MCF2: variants seen among roughly 807,000 people sequenced by gnomAD.
MCF2 encodes proto-oncogene DBL.
Under a neutral mutation model 82.5 loss-of-function variants are expected in MCF2, and 44 were observed. That is an observed-to-expected ratio of 0.53 (90% confidence interval 0.42 to 0.69). MCF2 has a LOEUF of 0.69. MCF2 is among the 30% of genes least tolerant of loss of function. The pLI, the probability that MCF2 is intolerant of heterozygous loss-of-function variation, is 0.00. For synonymous variants in MCF2, 217 were observed against 224.9 expected, an observed-to-expected ratio of 0.96 and a Z score of 0.32; for missense variants, 623 against 663.1, an observed-to-expected ratio of 0.94 and a Z score of 0.66.
At chrX:139,627,142 G>C (rs1308612751) in intron 4 of MCF2, among the ~76,000 whole-genome samples, 1 of 111,249 alleles carries the variant, frequency 9.0e-6, no homozygotes, top group Non-Finnish European at 1.9e-5. Flanking sequence ...ATGTTGCCCA[G>C]GCTGGACACA....
upstream of MCF2, among the ~76,000 whole-genome samples, chrX:139,647,283 T>C (rs949713852): frequency 9.0e-5 from 10 of 111,355 alleles, no homozygotes; most frequent in African/African-American, 3.3e-4. Flanking sequence ...TGACAGCAAG[T>C]GGAAAATTTG....
intron 9 of MCF2, 64 bp from the exon 13 acceptor site, chrX:139,615,116 C>T (rs1931802528): frequency 3.5e-6 from 3 of 850,332 alleles, no homozygotes; most frequent in Non-Finnish European, 5.1e-6. Context: ...AACCCCATTA[C>T]ATTTCTCAGA....
upstream of MCF2, among the ~76,000 whole-genome samples, chrX:139,643,760 G>T (rs1447538252): frequency 9.0e-6 from 1 of 110,628 alleles, no homozygotes; most frequent in Non-Finnish European, 1.9e-5. Context: ...AAAATGACAG[G>T]ATCATGACCT....
chrX:139,629,500 C>T (rs1441107241), intron 4 of MCF2, among the ~76,000 whole-genome samples, 195 bp downstream of exon 7: 2 of 111,804 alleles, frequency 1.8e-5, no homozygotes, highest in Middle Eastern at 4.6e-3. Flanking sequence ...GCACCATTTA[C>T]GGAGGGGACA....
chrX:139,602,565 C>T (rs746818641), intron 15 of MCF2, 67 bp from the exon 20 acceptor site: 1 of 764,846 alleles, frequency 1.3e-6, no homozygotes, highest in East Asian at 3.2e-5. Context: ...TCAAGAAAGG[C>T]TAAACAAGAG....
In MCF2 at chrX:139,602,505, T is replaced by G. The variant is rs375175141; in HGVS notation, c.1744-7A>C. The G allele has an allele frequency of 2.3e-5, 26 of 1,117,012 alleles. No homozygotes were observed. The highest frequency in any genetic ancestry group is 2.9e-5 in the Non-Finnish European group (24 of 814,711). 92.1% of individuals were successfully genotyped at this position (1,117,012 alleles called of 1,213,427 possible). On this transcript the variant is annotated splice_region_variant and splice_polypyrimidine_tract_variant and intron_variant, in intron 15 of 24. Transcript: ENST00000370576. ...ACATCTGAAAATCATCCTTCTGTGA[T>G]AAAAAACAAATTCAAATGTATTACT...
intron 23 of MCF2, among the ~76,000 whole-genome samples, chrX:139,586,122 A>G (rs1255557420): frequency 9.0e-6 from 1 of 111,601 alleles, no homozygotes; most frequent in Non-Finnish European, 1.9e-5. Flanking sequence ...GTCTGAATAG[A>G]GCAAGAGAAT....
chrX:139,642,221 T>TCATCA (rs1933608236), intron 1 of MCF2, among the ~76,000 whole-genome samples: 1 of 112,169 alleles, frequency 8.9e-6, no homozygotes, highest in Admixed American at 9.5e-5. Flanking sequence ...ATGACTAAGG[T>TCATCA]GCTCATTCAT....
chrX:139,639,676 C>T (rs115662061), intron 1 of MCF2, among the ~76,000 whole-genome samples: 1,279 of 111,560 alleles, frequency 0.011, 19 homozygotes, highest in African/African-American at 0.04. Context: ...ATTTCACTAC[C>T]GAAGTCTAGA....
Position 139,692,385 on chromosome X carries a change from C to G in MCF2, c.-45+15721G>C, listed in dbSNP as rs182499751. 4.6e-3 allele frequency among the ~76,000 whole-genome samples: 503 copies of G among 110,038 alleles called. 14 individuals are homozygous for G. Among genetic ancestry groups the G allele is most frequent in the Admixed American group, 0.043 (458 of 10,636 alleles). On this transcript the variant is annotated intron_variant, in intron 1 of 27. Transcript: ENST00000414978. Reference sequence around the variant, plus strand: ...CAGAGGCCCGAGAGCTCCGCGCGCGCGGAGTCCAGGAACTTGTTAAGAGTT... The same window carrying G: ...CAGAGGCCCGAGAGCTCCGCGCGCGGGGAGTCCAGGAACTTGTTAAGAGTT...
At chrX:139,610,670 T>C (rs1287418135) in intron 10 of MCF2, among the ~76,000 whole-genome samples, 1 of 112,251 alleles carries the variant, frequency 8.9e-6, no homozygotes, top group African/African-American at 3.2e-5. Flanking sequence ...AAATTGTAGC[T>C]CATTGATTAA....
chrX:139,676,450 T>C (rs1240237111), intron 1 of MCF2, among the ~76,000 whole-genome samples: 2 of 111,925 alleles, frequency 1.8e-5, no homozygotes. Flanking sequence ...TATTTGGCCA[T>C]CTTGGAATGG....
intron 16 of MCF2, among the ~76,000 whole-genome samples, chrX:139,600,618 A>C (rs745907670): frequency 9.8e-5 from 11 of 111,979 alleles, no homozygotes; most frequent in Non-Finnish European, 2.1e-4. Context: ...ACAAGGTAGC[A>C]GTTCAAGGAA....
chrX:139,615,144 AT>A, intron 9 of MCF2, 92 bp from the exon 13 acceptor site: 1 of 635,612 alleles, frequency 1.6e-6, no homozygotes. Context: ...GGTCAAAAAA[AT>A]AATTTAGAGT....
intron 7 of MCF2, 146 bp from the exon 11 acceptor site, chrX:139,617,850 C>A (rs1343669549): frequency 1.7e-4 from 42 of 248,283 alleles, no homozygotes; most frequent in Non-Finnish European, 2.1e-4. Context: ...CTTCAGGCTG[C>A]AAAAAAAAAA....
intron 1 of MCF2, among the ~76,000 whole-genome samples, chrX:139,688,548 C>T (rs183312514): frequency 2.3e-4 from 26 of 112,185 alleles, no homozygotes; most frequent in African/African-American, 8.1e-4. Flanking sequence ...CTGAGCTATA[C>T]TCTGATGAGT....
At chrX:139,587,740 T>C in exon 22 of MCF2, 1 of 1,195,613 alleles carries the variant, frequency 8.4e-7, no homozygotes, top group Non-Finnish European at 1.1e-6. Context: ...AAGAGAAATC[T>C]GAAACTTATC....
At chrX:139,627,678 G>A (rs1318839601) in intron 4 of MCF2, among the ~76,000 whole-genome samples, 11 of 111,414 alleles carry the variant, frequency 9.9e-5, no homozygotes, top group East Asian at 2.8e-4. Context: ...AACTATGTAC[G>A]GAACATTGTT....
At position 139,604,637 on chromosome X, in the gene MCF2, T is replaced by C. The variant is rs774297500; in HGVS notation, c.1743+44A>G. ...TGTTCTTATAAGTGAGTTGCTATTT[T>C]GGTGGTGCATATTTATATATATTTA... On this transcript the variant is annotated intron_variant, in intron 15 of 24. Transcript: ENST00000370576. 33 of 836,195 alleles carry C rather than the reference T, an allele frequency of 3.9e-5. No individual in the cohort carries two copies. In the South Asian group the frequency reaches 8.9e-4, roughly 23 times the overall value. The allele number at this position is 836,195 out of a possible 1,213,427, so 68.9% of individuals were successfully genotyped here. A position where few individuals can be genotyped will look rare whatever the true frequency, so the allele number is the denominator to read the frequency against.
Sources: gnomAD v4.1 joint callset for allele counts (sites outside exome capture counted in the v4.1 genomes callset) on GRCh38, gnomAD v4.1.1 for gene constraint, MANE v1.5 for transcripts, NCBI Gene and HGNC (gene_info 2026-07-23, HGNC 2026-07-21) for gene names.